The following MTUS2 variants were observed in gnomAD, a reference collection of about 807,000 sequenced individuals.
MTUS2 encodes microtubule associated scaffold protein 2.
A neutral mutation model predicts 114.1 loss-of-function variants in MTUS2; 40 were observed. The ratio of observed to expected loss-of-function variants is 0.35; its 90% CI spans 0.27 to 0.46. The LOEUF is 0.46. Among genes scored for constraint, MTUS2 ranks in the 20% least tolerant of loss-of-function variants. The pLI, the probability that MTUS2 is intolerant of heterozygous loss-of-function variation, is 1.00. For missense variants in MTUS2, 1,679 were observed against 1,705.4 expected (o/e 0.98, Z 0.27); for synonymous variants, 688 against 672.0 (o/e 1.02, Z -0.37).
chr13:29,047,097 C>G (rs1050970086), intron 4 of MTUS2, among the ~76,000 whole-genome samples: 5 of 152,152 alleles, frequency 3.3e-5, no homozygotes, highest in African/African-American at 1.2e-4. Flanking sequence ...GTTAAGAATC[C>G]TTTGTTTGAG....
chr13:29,111,813 G>T, intron 5 of MTUS2, among the ~76,000 whole-genome samples: 1 of 152,084 alleles, frequency 6.6e-6, no homozygotes, highest in East Asian at 1.9e-4. Context: ...ATATGGTTAT[G>T]TCAGAGGGTT....
At chr13:28,974,296 T>A (rs1176162936) in intron 2 of MTUS2, among the ~76,000 whole-genome samples, 2 of 152,232 alleles carry the variant, frequency 1.3e-5, no homozygotes, top group African/African-American at 4.8e-5. Flanking sequence ...AAAATTAATT[T>A]AATCTTGTGA....
chr13:29,028,179 C>T (rs1343370932), intron 3 of MTUS2, among the ~76,000 whole-genome samples: 3 of 151,042 alleles, frequency 2.0e-5, no homozygotes, highest in South Asian at 4.2e-4. Flanking sequence ...GGTGAAACCC[C>T]GTCTCTACTA....
intron 4 of MTUS2, among the ~76,000 whole-genome samples, chr13:29,075,202 T>A (rs1889133806): frequency 6.6e-6 from 1 of 152,222 alleles, no homozygotes; most frequent in African/African-American, 2.4e-5. Flanking sequence ...CCTGTGTTAA[T>A]CTACTCAGGC....
intron 7 of MTUS2, among the ~76,000 whole-genome samples, chr13:29,356,930 G>T (rs1348879173): frequency 6.6e-6 from 1 of 152,188 alleles, no homozygotes; most frequent in Non-Finnish European, 1.5e-5. Context: ...CTTTCACTTG[G>T]TGTGTTGATC....
At chr13:29,324,843 G>A in intron 7 of MTUS2, 132 bp downstream of exon 7, 1 of 677,532 alleles carries the variant, frequency 1.5e-6, no homozygotes, top group Non-Finnish European at 2.5e-6. Context: ...ACATACATAT[G>A]CTGATGTTTT....
At chr13:29,434,141 G>T (rs1360188991) in intron 8 of MTUS2, among the ~76,000 whole-genome samples, 1 of 152,112 alleles carries the variant, frequency 6.6e-6, no homozygotes, top group Non-Finnish European at 1.5e-5. Context: ...AAAAAAATCA[G>T]GTGGGGAAGA....
chr13:29,088,058 C>CA lies in MTUS2; in HGVS notation c.2447-12691dup, dbSNP rs57654117. On this transcript the variant is annotated intron_variant, in intron 4 of 15. Transcript: ENST00000612955. Reference sequence around the variant, plus strand: ...TGGGTGACAGAGCAAGACTCCGTCTCAAAAAAAAAAAAAAAAAAAAAAAAG... The same window carrying CA: ...TGGGTGACAGAGCAAGACTCCGTCTCAAAAAAAAAAAAAAAAAAAAAAAAAG... 7.8e-4 allele frequency among the ~76,000 whole-genome samples: 106 copies of CA among 135,556 alleles called. No homozygotes were observed. The East Asian group carries it at 0.018, about 23-fold the overall frequency. 88.9% of individuals were successfully genotyped at this position (135,556 alleles called of 152,430 possible).
At chr13:28,933,304 C>G (rs1368492360) in intron 2 of MTUS2, among the ~76,000 whole-genome samples, 1 of 152,160 alleles carries the variant, frequency 6.6e-6, no homozygotes, top group Non-Finnish European at 1.5e-5. Flanking sequence ...AGTCTACAGT[C>G]TGCAGGCCAG....
In MTUS2 at chr13:29,161,225, A is replaced by G. The variant is rs569470243; in HGVS notation, c.2644+60255A>G. Among the ~76,000 whole-genome samples, 2 of 152,350 alleles carry G rather than the reference A, an allele frequency of 1.3e-5. 1 individual carries two copies. Among genetic ancestry groups the G allele is most frequent in the Non-Finnish European group, 2.9e-5 (2 of 68,030 alleles). On this transcript the variant is annotated intron_variant, in intron 5 of 15. Coordinates refer to ENST00000612955, the MANE Select transcript of MTUS2 (RefSeq NM_001033602.4). ...AAATTAAACAAGATCAGCAGATTGT[A>G]TCAATGTCTGTATCCTGATTGTGAT... is the stretch of plus-strand genomic sequence containing the variant.
rs539519379 is a variant in MTUS2 at position 29,024,681 on chromosome 13, C to T, written c.-18C>T. 6.2e-7 allele frequency: 1 copy of T among 1,610,538 alleles called. No individual in the cohort carries two copies. Among genetic ancestry groups the T allele is most frequent in the Admixed American group, 1.7e-5 (1 of 59,780 alleles). On this transcript the variant is annotated 5_prime_UTR_variant, in exon 3 of 16. Coordinates refer to ENST00000612955, the MANE Select transcript of MTUS2 (RefSeq NM_001033602.4). ...TAAGTAGGACTGCATGGCAAGCAGC[C>T]CCACCAAAGGGTTGACAATGAGCGT...
At chr13:28,939,507 AT>A (rs1439676914) in intron 2 of MTUS2, among the ~76,000 whole-genome samples, 1 of 152,152 alleles carries the variant, frequency 6.6e-6, no homozygotes, top group Non-Finnish European at 1.5e-5. Context: ...TTTGGGTAAT[AT>A]TTAAGAAGCA....
chr13:29,361,024 C>T (rs1047036364), intron 8 of MTUS2, among the ~76,000 whole-genome samples: 1 of 152,160 alleles, frequency 6.6e-6, no homozygotes, highest in Non-Finnish European at 1.5e-5. Flanking sequence ...GAAGTTGGAA[C>T]TTTTAGGCCC....
At chr13:29,272,474 T>C (rs1298281284) in intron 5 of MTUS2, among the ~76,000 whole-genome samples, 1 of 152,230 alleles carries the variant, frequency 6.6e-6, no homozygotes, top group Non-Finnish European at 1.5e-5. Flanking sequence ...GTCTGGTTAG[T>C]GTTTATACCC....
At chr13:29,407,766 A>C (rs1429522242) in intron 8 of MTUS2, among the ~76,000 whole-genome samples, 1 of 152,112 alleles carries the variant, frequency 6.6e-6, no homozygotes, top group African/African-American at 2.4e-5. Context: ...GGCATAAGCC[A>C]CCACGCCTGG....
At chr13:29,126,465 T>G (rs56162600) in intron 5 of MTUS2, among the ~76,000 whole-genome samples, 6,723 of 152,320 alleles carry the variant, frequency 0.044, 222 homozygotes, top group Non-Finnish European at 0.064. Context: ...TCTTTAGCTC[T>G]GCTTTCCTGT....
intron 2 of MTUS2, among the ~76,000 whole-genome samples, chr13:28,991,933 G>A (rs927689114): frequency 1.3e-5 from 2 of 152,136 alleles, no homozygotes; most frequent in Non-Finnish European, 2.9e-5. Flanking sequence ...GGGAACTTGT[G>A]CAATCCTGGA....
At chr13:28,903,680 T>G (rs1359915237) in intron 2 of MTUS2, among the ~76,000 whole-genome samples, 1 of 151,972 alleles carries the variant, frequency 6.6e-6, no homozygotes, top group Non-Finnish European at 1.5e-5. Context: ...ACATTTGGGT[T>G]GGTTCCAAGT....
At chr13:29,156,420 A>G (rs1892861941) in intron 5 of MTUS2, among the ~76,000 whole-genome samples, 1 of 152,086 alleles carries the variant, frequency 6.6e-6, no homozygotes, top group South Asian at 2.1e-4. Context: ...AATCGTGCCC[A>G]TAGTTGACAA....
Sources: gnomAD v4.1 joint callset for allele counts (sites outside exome capture counted in the v4.1 genomes callset) on GRCh38, gnomAD v4.1.1 for gene constraint, MANE v1.5 for transcripts, NCBI Gene and HGNC (gene_info 2026-07-23, HGNC 2026-07-21) for gene names.